Variants in DNAJC17 observed in about 807,000 individuals in gnomAD.
DNAJC17 encodes DnaJ heat shock protein family (Hsp40) member C17, also known as dnaJ homolog subfamily C member 17.
In DNAJC17, 35 loss-of-function variants were observed where a neutral mutation model predicts 48.1. The observed-to-expected ratio is 0.73, with a 90% CI of 0.56 to 0.96. The LOEUF is 0.96. Ranked by LOEUF, DNAJC17 falls within the 50% of genes least tolerant of loss-of-function variation. DNAJC17 has a pLI of 0.00. For missense variants in DNAJC17, 355 were observed against 377.1 expected (o/e 0.94, Z 0.48); for synonymous variants, 117 against 142.7 (o/e 0.82, Z 1.28).
At chr15:40,795,829 T>G (rs1176550485) in intron 1 of DNAJC17, among the ~76,000 whole-genome samples, 1 of 151,930 alleles carries the variant, frequency 6.6e-6, no homozygotes, top group African/African-American at 2.4e-5. Flanking sequence ...AAGGCAGAGG[T>G]TGCAGTGAGC....
At chr15:40,806,138 TTCC>T (rs1360387751) in intron 1 of DNAJC17, among the ~76,000 whole-genome samples, 2 of 152,138 alleles carry the variant, frequency 1.3e-5, no homozygotes, top group East Asian at 1.9e-4. Flanking sequence ...GCCCCAGAGC[TTCC>T]TCTTCTCAAA....
intron 1 of DNAJC17, among the ~76,000 whole-genome samples, chr15:40,794,518 A>G (rs1212506357): frequency 6.6e-6 from 1 of 151,894 alleles, no homozygotes; most frequent in Admixed American, 6.6e-5. Context: ...CAAAAAATAC[A>G]AAAATTACCC....
At chr15:40,807,178 C>T (rs1459319480) in intron 1 of DNAJC17, 191 bp downstream of exon 1, 3 of 1,402,052 alleles carry the variant, frequency 2.1e-6, no homozygotes, top group Non-Finnish European at 2.9e-6. Context: ...CTGTACCCCG[C>T]TTCCTCTTGA....
intron 4 of DNAJC17, among the ~76,000 whole-genome samples, chr15:40,777,720 G>GAA (rs935591348): frequency 8.5e-6 from 1 of 117,548 alleles, no homozygotes; most frequent in African/African-American, 3.1e-5. Context: ...CTCCGTTTAA[G>GAA]AAAAAAAAAA....
At chr15:40,777,215 A>G (rs1889352320) in intron 4 of DNAJC17, among the ~76,000 whole-genome samples, 1 of 149,790 alleles carries the variant, frequency 6.7e-6, no homozygotes, top group Non-Finnish European at 1.5e-5. Context: ...GCTGTGAGAA[A>G]CCCTTCTCTT....
chr15:40,786,401 C>T (rs764368109), intron 1 of DNAJC17, among the ~76,000 whole-genome samples: 1 of 152,176 alleles, frequency 6.6e-6, no homozygotes, highest in African/African-American at 2.4e-5. Context: ...CAGTGGCTCA[C>T]GCCTGTAATC....
chr15:40,790,740 A>AT (rs1225107106), intron 1 of DNAJC17, among the ~76,000 whole-genome samples: 1 of 152,238 alleles, frequency 6.6e-6, no homozygotes, highest in Non-Finnish European at 1.5e-5. Context: ...ATCAAATGAG[A>AT]TAATTTATGT....
intron 10 of DNAJC17, chr15:40,771,009 G>C (rs1269530612): frequency 6.4e-7 from 1 of 1,550,550 alleles, no homozygotes; most frequent in Admixed American, 2.0e-5. Flanking sequence ...GTTTCCTAGC[G>C]AGCCCAGCTT....
intron 1 of DNAJC17, among the ~76,000 whole-genome samples, chr15:40,791,637 G>C (rs1195358681): frequency 6.6e-6 from 1 of 151,260 alleles, no homozygotes; most frequent in Non-Finnish European, 1.5e-5. Context: ...CTGAGGTCAG[G>C]AGTTCGACAC....
At chr15:40,794,046 AC>A in intron 1 of DNAJC17, among the ~76,000 whole-genome samples, 1 of 152,338 alleles carries the variant, frequency 6.6e-6, no homozygotes, top group East Asian at 1.9e-4. Context: ...GCAACAAGCA[AC>A]AATTCTTAGC....
intron 1 of DNAJC17, among the ~76,000 whole-genome samples, chr15:40,796,254 C>T (rs1049670325): frequency 2.0e-5 from 3 of 152,170 alleles, no homozygotes; most frequent in African/African-American, 7.2e-5. Context: ...GAAGTCCTTT[C>T]CTTCCTGGAT....
intron 1 of DNAJC17, among the ~76,000 whole-genome samples, chr15:40,784,823 C>T (rs532547276): frequency 3.9e-5 from 6 of 152,218 alleles, no homozygotes; most frequent in African/African-American, 7.2e-5. Context: ...CTGGGCCGGG[C>T]GTGTTGGCTT....
At chr15:40,798,901 G>T (rs950447452) in intron 1 of DNAJC17, among the ~76,000 whole-genome samples, 2 of 152,096 alleles carry the variant, frequency 1.3e-5, no homozygotes, top group African/African-American at 2.4e-5. Context: ...GTGGTGCCCC[G>T]CCTTGTGAGT....
At chr15:40,783,511 C>T (rs911354557) in intron 1 of DNAJC17, among the ~76,000 whole-genome samples, 15 of 152,168 alleles carry the variant, frequency 9.9e-5, no homozygotes, top group Admixed American at 9.2e-4. Context: ...AGTAGGCTTG[C>T]CCCAGGGATG....
intron 9 of DNAJC17, 136 bp downstream of exon 9, chr15:40,774,220 G>A: frequency 1.0e-6 from 1 of 994,666 alleles, no homozygotes; most frequent in Non-Finnish European, 1.5e-6. Context: ...GGGCCCCTGG[G>A]AAGAGCCTTG....
intron 8 of DNAJC17, 138 bp downstream of exon 8, chr15:40,774,893 G>T (rs1283552569): frequency 2.3e-6 from 2 of 854,682 alleles, no homozygotes; most frequent in Non-Finnish European, 3.7e-6. Flanking sequence ...TCTCTAAGAC[G>T]TCCCATGGTC....
chr15:40,765,777 C>T lies in DNAJC17; in HGVS notation c.*2163G>A. ...GGGGAGGAAGGACAGGCAAGACCTTCCACCTCCTCCTGGCAGCCAGCCAAG... is the reference window on the plus strand; with the variant it reads ...GGGGAGGAAGGACAGGCAAGACCTTTCACCTCCTCCTGGCAGCCAGCCAAG... On this transcript the variant is annotated 3_prime_UTR_variant, in exon 11 of 11. Transcript: ENST00000220496. 2 of 930,450 alleles carry T rather than the reference C, an allele frequency of 2.1e-6. No individual in the cohort carries two copies. 57.6% of individuals were successfully genotyped at this position (930,450 alleles called of 1,614,324 possible).
intron 1 of DNAJC17, among the ~76,000 whole-genome samples, chr15:40,791,472 G>A (rs1005919993): frequency 1.3e-5 from 2 of 152,090 alleles, no homozygotes; most frequent in Admixed American, 6.6e-5. Flanking sequence ...AGGTTGCAGT[G>A]AGCCAAGATC....
rs1888960679 is a variant in DNAJC17, at chr15:40,766,852, A to T, written c.*1088T>A. On this transcript the variant is annotated 3_prime_UTR_variant, in exon 11 of 11. Coordinates refer to ENST00000220496, the MANE Select transcript of DNAJC17 (RefSeq NM_018163.3). ...CGGTGGTGCAATCATGGCTCACTGCAGCCTCAGCCTCCTCCTACCTGGAAG... is the reference window on the plus strand; with the variant it reads ...CGGTGGTGCAATCATGGCTCACTGCTGCCTCAGCCTCCTCCTACCTGGAAG... The T allele has an allele frequency of 1.2e-5, 2 of 162,322 alleles. No homozygotes were observed. Among genetic ancestry groups the T allele is most frequent in the Non-Finnish European group, 2.7e-5 (2 of 75,102 alleles). The allele number at this position is 162,322 out of a possible 1,614,324, so 10.1% of individuals were successfully genotyped here. A position where few individuals can be genotyped will look rare whatever the true frequency, so the allele number is the denominator to read the frequency against.
Sources: gnomAD v4.1 joint callset for allele counts (sites outside exome capture counted in the v4.1 genomes callset) on GRCh38, gnomAD v4.1.1 for gene constraint, MANE v1.5 for transcripts, NCBI Gene and HGNC (gene_info 2026-07-23, HGNC 2026-07-21) for gene names.